The following CMSS1 variants were observed in gnomAD, a reference collection of about 807,000 sequenced individuals.
The protein encoded by CMSS1 is cms1 ribosomal small subunit homolog, also known as protein CMSS1.
A neutral mutation model predicts 43.5 loss-of-function variants in CMSS1; 33 were observed. The observed-to-expected ratio is 0.76, with a 90% confidence interval of 0.57 to 1.01. CMSS1 has a LOEUF of 1.01. Among genes scored for constraint, CMSS1 ranks in the 50% least tolerant of loss-of-function variants. The pLI, the probability that CMSS1 is intolerant of heterozygous loss-of-function variation, is 0.00. For missense variants in CMSS1, 313 were observed against 326.4 expected, an observed-to-expected ratio of 0.96 and a Z score of 0.32; for synonymous variants, 115 against 117.2, an observed-to-expected ratio of 0.98 and a Z score of 0.12.
At position 100,117,461 on chromosome 3, in the gene CMSS1, G is replaced by A. The variant is rs78338595; in HGVS notation, c.65-29512G>A. 4.6e-3 allele frequency among the ~76,000 whole-genome samples: 698 copies of A among 152,100 alleles called. 8 individuals carry two copies. Among genetic ancestry groups the A allele is most frequent in the African/African-American group, 0.016 (683 of 41,504 alleles). On this transcript the variant is annotated intron_variant, in intron 1 of 9. Coordinates refer to ENST00000421999, the MANE Select transcript of CMSS1 (RefSeq NM_032359.4). ...TAGGGCTATATGAGAAAAAAATAAG[G>A]TGGAATTATTCATCATGGTGGCATC... is the stretch of plus-strand genomic sequence containing the variant.
At chr3:100,117,849 A>G (rs1450629023) in intron 1 of CMSS1, among the ~76,000 whole-genome samples, 2 of 86,992 alleles carry the variant, frequency 2.3e-5, no homozygotes, top group South Asian at 3.8e-4. Context: ...ATATATATAT[A>G]TATACATATA....
At chr3:100,144,782 T>C (rs1263130339) in intron 1 of CMSS1, among the ~76,000 whole-genome samples, 1 of 152,252 alleles carries the variant, frequency 6.6e-6, no homozygotes, top group Non-Finnish European at 1.5e-5. Context: ...TGGCTTCCAT[T>C]GGCATTTCCA....
chr3:100,031,775 C>T (rs1045307731), intron 1 of CMSS1, among the ~76,000 whole-genome samples: 4 of 152,256 alleles, frequency 2.6e-5, no homozygotes, highest in Non-Finnish European at 5.9e-5. Flanking sequence ...CAAAGGGAAA[C>T]ACCCCACTAG....
At chr3:99,862,617 GACA>G (rs1202510994) in intron 1 of CMSS1, among the ~76,000 whole-genome samples, 3 of 152,166 alleles carry the variant, frequency 2.0e-5, no homozygotes, top group Non-Finnish European at 4.4e-5. Flanking sequence ...GCTCAGTTGT[GACA>G]ACTACTGAAT....
intron 1 of CMSS1, among the ~76,000 whole-genome samples, chr3:100,073,195 T>A (rs1282881736): frequency 1.3e-5 from 2 of 152,326 alleles, no homozygotes; most frequent in Middle Eastern, 6.8e-3. Flanking sequence ...AAATCTGGTT[T>A]GCCACCTGTT....
chr3:100,057,668 A>G (rs1169840449), intron 1 of CMSS1, among the ~76,000 whole-genome samples: 2 of 152,196 alleles, frequency 1.3e-5, no homozygotes, highest in Admixed American at 6.5e-5. Flanking sequence ...CATATGGGAC[A>G]GTTGGTTTCA....
intron 1 of CMSS1, among the ~76,000 whole-genome samples, chr3:99,927,852 C>T (rs1347215706): frequency 6.6e-6 from 1 of 152,146 alleles, no homozygotes; most frequent in Non-Finnish European, 1.5e-5. Flanking sequence ...GCCCCAGCCC[C>T]AAGCATGTTC....
chr3:100,054,631 T>C (rs2065432948), intron 1 of CMSS1, among the ~76,000 whole-genome samples: 1 of 152,010 alleles, frequency 6.6e-6, no homozygotes, highest in Non-Finnish European at 1.5e-5. Context: ...TGAATAATCT[T>C]GCAGATGTGG....
chr3:99,820,250 A>G (rs934411496), intron 1 of CMSS1, among the ~76,000 whole-genome samples: 2 of 149,460 alleles, frequency 1.3e-5, no homozygotes, highest in African/African-American at 2.5e-5. Flanking sequence ...AGTCTGGAGT[A>G]CAGTGGTGCG....
intron 1 of CMSS1, among the ~76,000 whole-genome samples, chr3:99,857,664 A>G (rs1002665746): frequency 3.9e-5 from 6 of 152,200 alleles, no homozygotes; most frequent in Admixed American, 6.5e-5. Context: ...GGTCCATAGA[A>G]ATAAACTTAG....
At chr3:100,014,898 T>TTTTTTTTTTTTTTTTTTTTTTTC (rs1710291087) in intron 1 of CMSS1, among the ~76,000 whole-genome samples, 2 of 110,400 alleles carry the variant, frequency 1.8e-5, no homozygotes, top group East Asian at 2.6e-4. Context: ...TTTCTTTCTT[T>TTTTTTTTTTTTTTTTTTTTTTTC]TTTTTTTTTT....
chr3:99,905,935 G>T (rs916133151), intron 1 of CMSS1, among the ~76,000 whole-genome samples: 1 of 152,128 alleles, frequency 6.6e-6, no homozygotes, highest in Non-Finnish European at 1.5e-5. Context: ...GCTCATGCTT[G>T]TAGTCCCAGC....
rs547232253 is a variant in CMSS1 at position 100,178,288 on chromosome 3, C to T, written c.757-17C>T. ...GCTTGATCTTAATCTTTTTTTCCCC[C>T]CTTTTCTCTCATTTAGATAAGAAAG... On this transcript the variant is annotated splice_polypyrimidine_tract_variant and intron_variant, in intron 9 of 9. Coordinates refer to ENST00000421999, the MANE Select transcript of CMSS1 (RefSeq NM_032359.4). The T allele has an allele frequency of 5.2e-6, 8 of 1,550,732 alleles. No homozygotes were observed. The South Asian group carries it at 7.9e-5, about 15-fold the overall frequency.
At chr3:100,006,624 T>G (rs1709994972) in intron 1 of CMSS1, among the ~76,000 whole-genome samples, 1 of 152,112 alleles carries the variant, frequency 6.6e-6, no homozygotes, top group South Asian at 2.1e-4. Flanking sequence ...ATGATGAGAA[T>G]TCAGCTCATT....
intron 2 of CMSS1, among the ~76,000 whole-genome samples, chr3:100,150,184 T>A (rs1280326524): frequency 6.6e-6 from 1 of 152,216 alleles, no homozygotes; most frequent in Non-Finnish European, 1.5e-5. Flanking sequence ...TCTAATTGTT[T>A]ACACGCATAG....
intron 3 of CMSS1, 84 bp from the exon 4 acceptor site, chr3:100,162,219 T>C (rs1460763966): frequency 8.1e-7 from 1 of 1,232,944 alleles, no homozygotes; most frequent in East Asian, 2.5e-5. Context: ...TATGTGCCGT[T>C]TAAATGCCAG....
chr3:100,151,014 AG>A (rs1357535777), intron 2 of CMSS1, among the ~76,000 whole-genome samples: 1 of 152,164 alleles, frequency 6.6e-6, no homozygotes, highest in African/African-American at 2.4e-5. Context: ...TTAATCATAA[AG>A]GAATCTTCAG....
chr3:99,890,655 G>A (rs565965269), intron 1 of CMSS1, among the ~76,000 whole-genome samples: 3 of 150,276 alleles, frequency 2.0e-5, no homozygotes, highest in East Asian at 1.9e-4. Context: ...ATTTCCCAAA[G>A]TTTCTATTTG....
chr3:99,938,054 T>G (rs1040624273), intron 1 of CMSS1, among the ~76,000 whole-genome samples: 1 of 80,044 alleles, frequency 1.2e-5, no homozygotes, highest in Non-Finnish European at 2.4e-5. Context: ...TCAGGAAGTG[T>G]GTGTGTGTGT....
Sources: gnomAD v4.1 joint callset for allele counts (sites outside exome capture counted in the v4.1 genomes callset) on GRCh38, gnomAD v4.1.1 for gene constraint, MANE v1.5 for transcripts, NCBI Gene and HGNC (gene_info 2026-07-23, HGNC 2026-07-21) for gene names.